Variants in KCTD16 observed in about 807,000 individuals in gnomAD.
KCTD16 encodes potassium channel tetramerization domain containing 16, also known as BTB/POZ domain-containing protein KCTD16.
KCTD16 carries 13 observed loss-of-function variants against 33.2 expected under a neutral mutation model. The observed-to-expected ratio is 0.39, with a 90% confidence interval of 0.25 to 0.62. KCTD16 has a LOEUF of 0.62. KCTD16 is among the 20% of genes least tolerant of loss of function. The pLI is 0.50. For missense variants in KCTD16, 441 were observed against 525.1 expected, an observed-to-expected ratio of 0.84 and a Z score of 1.57; for synonymous variants, 197 against 195.3, an observed-to-expected ratio of 1.01 and a Z score of -0.07.
chr5:144,244,039 A>C (rs1167189503), intron 3 of KCTD16, among the ~76,000 whole-genome samples: 1 of 152,116 alleles, frequency 6.6e-6, no homozygotes, highest in Non-Finnish European at 1.5e-5. Context: ...CACCGCGTCC[A>C]GCCCCCCATG....
intron 3 of KCTD16, among the ~76,000 whole-genome samples, chr5:144,294,208 G>C (rs180982575): frequency 1.2e-4 from 19 of 152,240 alleles, no homozygotes; most frequent in Middle Eastern, 3.4e-3. Context: ...AGCGTTTTTT[G>C]AATAAATGCC....
At position 144,299,096 on chromosome 5, in the gene KCTD16, GTATATATATATATATATATA is replaced by G. The variant is rs1175664862; in HGVS notation, c.832+91584_832+91603del. On this transcript the variant is annotated intron_variant, in intron 3 of 3. Coordinates refer to ENST00000512467, the MANE Select transcript of KCTD16 (RefSeq NM_020768.4). ...TATTTTTGTATATATATATCACTAT[GTATATATATATATATATATA>G]TATATATATATATATATATATATAT... Among the ~76,000 whole-genome samples the G allele has an allele frequency of 6.5e-4, 7 of 10,784 alleles. No individual in the cohort carries two copies. The East Asian group carries it at 0.013, about 20-fold the overall frequency. 7.1% of individuals were successfully genotyped at this position (10,784 alleles called of 152,430 possible).
At chr5:144,418,080 G>T (rs1446345333) in intron 3 of KCTD16, among the ~76,000 whole-genome samples, 3 of 152,126 alleles carry the variant, frequency 2.0e-5, no homozygotes, top group Non-Finnish European at 4.4e-5. Flanking sequence ...TCTTAAAGGT[G>T]GTGTCTGGAG....
chr5:144,361,756 C>T (rs1444800328), intron 3 of KCTD16, among the ~76,000 whole-genome samples: 1 of 152,068 alleles, frequency 6.6e-6, no homozygotes, highest in Non-Finnish European at 1.5e-5. Context: ...GGATACAAAA[C>T]ACTTGCCAAA....
chr5:144,217,955 G>A (rs1332919062), intron 3 of KCTD16, among the ~76,000 whole-genome samples: 2 of 152,138 alleles, frequency 1.3e-5, no homozygotes, highest in Non-Finnish European at 2.9e-5. Flanking sequence ...GCCTCAGTTA[G>A]TTGCTGAGAG....
At position 144,481,171 on chromosome 5, in the gene KCTD16, T is replaced by C. The variant is rs1197931062; in HGVS notation, c.*7057T>C. On this transcript the variant is annotated 3_prime_UTR_variant, in exon 4 of 4. Coordinates refer to ENST00000512467, the MANE Select transcript of KCTD16 (RefSeq NM_020768.4). The stretch of plus-strand genomic sequence containing the variant: ...ATCTTTCAACAGCTAAATGTGTTTG[T>C]TGTGAAGCACTCTGGGATCCTTTTC... The C allele has an allele frequency of 3.3e-5, 5 of 151,946 alleles. No homozygotes were observed. The highest frequency in any genetic ancestry group is 2.6e-4 in the Admixed American group (4 of 15,218). 9.4% of individuals were successfully genotyped at this position (151,946 alleles called of 1,614,324 possible).
chr5:144,356,090 T>G (rs942861065), intron 3 of KCTD16, among the ~76,000 whole-genome samples: 3 of 152,164 alleles, frequency 2.0e-5, no homozygotes, highest in African/African-American at 7.2e-5. Flanking sequence ...GATTACAAAA[T>G]TGTTAAGCCA....
intron 3 of KCTD16, among the ~76,000 whole-genome samples, chr5:144,360,348 G>C (rs1053824440): frequency 6.6e-6 from 1 of 151,924 alleles, no homozygotes; most frequent in Non-Finnish European, 1.5e-5. Flanking sequence ...AGAACATGCG[G>C]TGTTTGATTT....
chr5:144,326,008 A>G (rs1752196787), intron 3 of KCTD16, among the ~76,000 whole-genome samples: 1 of 152,198 alleles, frequency 6.6e-6, no homozygotes, highest in Non-Finnish European at 1.5e-5. Flanking sequence ...ATTAATAATT[A>G]ATGATAATAA....
chr5:144,461,191 G>C (rs766533080), intron 3 of KCTD16, among the ~76,000 whole-genome samples: 59 of 152,186 alleles, frequency 3.9e-4, no homozygotes, highest in Non-Finnish European at 1.2e-4. Context: ...ATGCATGCAT[G>C]TCACAAAGAA....
intron 3 of KCTD16, among the ~76,000 whole-genome samples, chr5:144,284,240 T>C (rs945555396): frequency 6.6e-6 from 1 of 152,182 alleles, no homozygotes; most frequent in Non-Finnish European, 1.5e-5. Context: ...GATTCTGCTG[T>C]TGCAAATAGC....
intron 3 of KCTD16, among the ~76,000 whole-genome samples, chr5:144,284,607 C>G (rs967216461): frequency 1.3e-5 from 2 of 152,170 alleles, no homozygotes; most frequent in African/African-American, 4.8e-5. Flanking sequence ...ATACAAAAGA[C>G]AGTCCGTGCC....
chr5:144,304,137 A>G (rs1176300538), intron 3 of KCTD16, among the ~76,000 whole-genome samples: 2 of 152,242 alleles, frequency 1.3e-5, no homozygotes, highest in Non-Finnish European at 2.9e-5. Flanking sequence ...GTAAAGAAAA[A>G]AGAAACAAGT....
intron 3 of KCTD16, among the ~76,000 whole-genome samples, chr5:144,286,852 T>C (rs1755759651): frequency 6.6e-6 from 1 of 152,186 alleles, no homozygotes; most frequent in African/African-American, 2.4e-5. Context: ...ATTGTAGTAA[T>C]GCCAGTGGTA....
At chr5:144,236,145 G>A (rs1754246912) in intron 3 of KCTD16, among the ~76,000 whole-genome samples, 1 of 152,156 alleles carries the variant, frequency 6.6e-6, no homozygotes, top group Non-Finnish European at 1.5e-5. Flanking sequence ...CTCTGTTCAT[G>A]AGGTGGTGAT....
intron 2 of KCTD16, among the ~76,000 whole-genome samples, chr5:144,186,804 C>T (rs540955161): frequency 6.6e-6 from 1 of 152,176 alleles, no homozygotes; most frequent in African/African-American, 2.4e-5. Context: ...CTTTTCTGGC[C>T]TCAGTTTTCT....
In KCTD16 at chr5:144,478,671, G is replaced by A. The variant is rs1369123579; in HGVS notation, c.*4557G>A. On this transcript the variant is annotated 3_prime_UTR_variant, in exon 4 of 4. Coordinates refer to ENST00000512467, the MANE Select transcript of KCTD16 (RefSeq NM_020768.4). ...GAGGATTGTCTATAGACCTTACTTTGAAAAATTCTGCTGTTTAGGGAATAT... is the reference window on the plus strand; with the variant it reads ...GAGGATTGTCTATAGACCTTACTTTAAAAAATTCTGCTGTTTAGGGAATAT... 2 of 151,972 alleles carry A rather than the reference G, an allele frequency of 1.3e-5. No individual in the cohort carries two copies. Among genetic ancestry groups the A allele is most frequent in the Non-Finnish European group, 2.9e-5 (2 of 67,932 alleles). 9.4% of individuals were successfully genotyped at this position (151,972 alleles called of 1,614,324 possible). A position where few individuals can be genotyped will look rare whatever the true frequency, so the allele number is the denominator to read the frequency against.
At chr5:144,464,982 G>A (rs1003739179) in intron 3 of KCTD16, among the ~76,000 whole-genome samples, 2 of 152,124 alleles carry the variant, frequency 1.3e-5, no homozygotes, top group Non-Finnish European at 2.9e-5. Flanking sequence ...TGTGATGGAA[G>A]GTTACCCTTT....
At chr5:144,187,566 C>G (rs1561522791) in intron 2 of KCTD16, among the ~76,000 whole-genome samples, 1 of 152,134 alleles carries the variant, frequency 6.6e-6, no homozygotes, top group African/African-American at 2.4e-5. Flanking sequence ...ATTGATGAAG[C>G]ATATACAGAG....
Sources: allele counts gnomAD v4.1 joint callset (sites outside exome capture counted in the v4.1 genomes callset), GRCh38; gene constraint gnomAD v4.1.1; transcripts MANE v1.5; gene names NCBI Gene and HGNC (gene_info 2026-07-23, HGNC 2026-07-21).